NDUFA5: variants seen among roughly 807,000 people sequenced by gnomAD.
The protein encoded by NDUFA5 is NADH:ubiquinone oxidoreductase subunit A5.
A neutral mutation model predicts 19.8 loss-of-function variants in NDUFA5; 11 were observed. The observed-to-expected ratio is 0.56, with a 90% CI of 0.35 to 0.92. NDUFA5 has a LOEUF of 0.92. Ranked by LOEUF, NDUFA5 falls within the 40% of genes least tolerant of loss-of-function variation. The pLI is 0.01. For synonymous variants in NDUFA5, 47 were observed against 46.8 expected, an observed-to-expected ratio of 1.00 and a Z score of -0.01; for missense variants, 109 against 134.2, an observed-to-expected ratio of 0.81 and a Z score of 0.93.
At chr7:123,551,450 C>T (rs981103824) in intron 2 of NDUFA5, 1 of 488,378 alleles carries the variant, frequency 2.0e-6, no homozygotes, top group African/African-American at 2.1e-5. Flanking sequence ...TTCAGGTGAT[C>T]CGCCCACCTC....
At chr7:123,598,191 G>A in the NDUFA5 span, among the ~76,000 whole-genome samples, 1 of 152,066 alleles carries the variant, frequency 6.6e-6, no homozygotes, top group East Asian at 1.9e-4. Context: ...GTCCCTGGAA[G>A]TATAATATAC....
the NDUFA5 span, among the ~76,000 whole-genome samples, chr7:123,565,431 C>A: frequency 2.1e-5 from 3 of 141,736 alleles, no homozygotes; most frequent in Non-Finnish European, 3.1e-5. Context: ...ACACACACAT[C>A]CACACACGAA....
intron 1 of NDUFA5, 105 bp downstream of exon 1, chr7:123,557,670 C>T: frequency 6.2e-7 from 1 of 1,613,968 alleles, no homozygotes; most frequent in Admixed American, 1.7e-5. Flanking sequence ...CGAAAAGCAC[C>T]GCCGAGCCCG....
rs553892907 is a variant in NDUFA5, at chr7:123,537,557, C to T, written c.*4562G>A. The T allele has an allele frequency of 5.5e-4, 83 of 152,132 alleles. No homozygotes were observed. The highest frequency in any genetic ancestry group is 1.7e-3 in the African/African-American group (72 of 41,508). 9.4% of individuals were successfully genotyped at this position (152,132 alleles called of 1,614,324 possible). A position where few individuals can be genotyped will look rare whatever the true frequency, so the allele number is the denominator to read the frequency against. ...GGCATATACTTTACATTATGTAACA[C>T]ATTAAGAGGGTCTGAGGAAGCAGTT... is the stretch of plus-strand genomic sequence containing the variant. On this transcript the variant is annotated 3_prime_UTR_variant, in exon 5 of 5. Transcript: ENST00000355749.
At chr7:123,583,023 G>A in the NDUFA5 span, among the ~76,000 whole-genome samples, 1 of 151,934 alleles carries the variant, frequency 6.6e-6, no homozygotes, top group Admixed American at 6.6e-5. Flanking sequence ...GAGATGGCAA[G>A]CATCACAAAC....
the NDUFA5 span, among the ~76,000 whole-genome samples, chr7:123,589,996 T>C: frequency 1.6e-3 from 248 of 152,318 alleles, 3 homozygotes; most frequent in African/African-American, 5.9e-3. Flanking sequence ...TTCCTGAATT[T>C]TTAATGATTG....
chr7:123,583,744 T>C, the NDUFA5 span, among the ~76,000 whole-genome samples: 1 of 151,918 alleles, frequency 6.6e-6, no homozygotes, highest in Non-Finnish European at 1.5e-5. Flanking sequence ...GAACACTGTC[T>C]CTTTTCCTCA....
chr7:123,563,618 A>G, the NDUFA5 span, among the ~76,000 whole-genome samples: 1 of 152,240 alleles, frequency 6.6e-6, no homozygotes, highest in African/African-American at 2.4e-5. Context: ...ATGCTGTTGG[A>G]AAAAATGGTG....
the NDUFA5 span, among the ~76,000 whole-genome samples, chr7:123,577,989 C>T: frequency 5.9e-5 from 9 of 151,482 alleles, no homozygotes; most frequent in African/African-American, 2.2e-4. Flanking sequence ...ATTTGCTGCA[C>T]CCATCAACCC....
At chr7:123,570,807 T>C in the NDUFA5 span, among the ~76,000 whole-genome samples, 2 of 152,184 alleles carry the variant, frequency 1.3e-5, no homozygotes, top group Non-Finnish European at 2.9e-5. Flanking sequence ...CCATTACCAC[T>C]GCATTTATAT....
chr7:123,559,083 GA>G (rs1798651207), upstream of NDUFA5, among the ~76,000 whole-genome samples: 1 of 150,798 alleles, frequency 6.6e-6, no homozygotes, highest in Admixed American at 6.6e-5. Flanking sequence ...GTGAAACTAA[GA>G]AAAAAAAGAG....
At chr7:123,553,502 G>T (rs1798432460) in intron 2 of NDUFA5, among the ~76,000 whole-genome samples, 1 of 152,210 alleles carries the variant, frequency 6.6e-6, no homozygotes, top group South Asian at 2.1e-4. Context: ...AATTCAAGAT[G>T]AGATTTGGAT....
At chr7:123,575,545 T>C in the NDUFA5 span, among the ~76,000 whole-genome samples, 3 of 152,068 alleles carry the variant, frequency 2.0e-5, no homozygotes, top group Non-Finnish European at 4.4e-5. Flanking sequence ...CTTAATTCCC[T>C]ACATTTCTTT....
At chr7:123,585,173 A>C in the NDUFA5 span, among the ~76,000 whole-genome samples, 5 of 151,904 alleles carry the variant, frequency 3.3e-5, no homozygotes, top group African/African-American at 4.8e-5. Flanking sequence ...TATCTGAACA[A>C]AGAATTCAAA....
the NDUFA5 span, among the ~76,000 whole-genome samples, chr7:123,570,096 A>G: frequency 3.0e-5 from 4 of 134,036 alleles, no homozygotes; most frequent in South Asian, 2.3e-4. Flanking sequence ...TTGCAGTGGC[A>G]CGATCTCGGC....
chr7:123,568,680 A>C, the NDUFA5 span, among the ~76,000 whole-genome samples: 2 of 152,186 alleles, frequency 1.3e-5, no homozygotes, highest in East Asian at 3.8e-4. Flanking sequence ...AAGTGATGAA[A>C]GGCAAAAATG....
chr7:123,597,367 A>G, the NDUFA5 span, among the ~76,000 whole-genome samples: 111,705 of 152,076 alleles, frequency 0.73, 41,201 homozygotes, highest in African/African-American at 0.81. Flanking sequence ...TATTGATGCT[A>G]GTATGTTGTT....
the NDUFA5 span, among the ~76,000 whole-genome samples, chr7:123,591,282 AC>A: frequency 6.6e-6 from 1 of 152,100 alleles, no homozygotes; most frequent in Non-Finnish European, 1.5e-5. Context: ...CTGATTGAAT[AC>A]CCTATATTTC....
At chr7:123,552,726 C>T (rs901527069) in intron 2 of NDUFA5, among the ~76,000 whole-genome samples, 7 of 150,696 alleles carry the variant, frequency 4.6e-5, no homozygotes, top group African/African-American at 1.7e-4. Flanking sequence ...GCTAGAAGTC[C>T]ACCTTTCTTC....
Sources: gnomAD v4.1 joint callset for allele counts (sites outside exome capture counted in the v4.1 genomes callset) on GRCh38, gnomAD v4.1.1 for gene constraint, MANE v1.5 for transcripts, NCBI Gene and HGNC (gene_info 2026-07-23, HGNC 2026-07-21) for gene names.